Variants in ARHGAP26 observed in about 807,000 individuals in gnomAD.
ARHGAP26 encodes rho GTPase-activating protein 26.
In ARHGAP26, 38 loss-of-function variants were observed where a neutral mutation model predicts 104.8. That is an observed-to-expected ratio of 0.36 (90% CI 0.28 to 0.48). ARHGAP26 has a LOEUF of 0.48. ARHGAP26 is among the 20% of genes least tolerant of loss of function. The pLI is 0.99. For synonymous variants in ARHGAP26, 341 were observed against 340.0 expected, an observed-to-expected ratio of 1.00 and a Z score of -0.03; for missense variants, 704 against 947.9, an observed-to-expected ratio of 0.74 and a Z score of 3.38.
chr5:143,201,313 G>C (rs1427124561), intron 20 of ARHGAP26, among the ~76,000 whole-genome samples: 1 of 150,284 alleles, frequency 6.7e-6, no homozygotes, highest in African/African-American at 2.4e-5. Flanking sequence ...GGACTCTGAG[G>C]GTTGTAGGAA....
intron 1 of ARHGAP26, among the ~76,000 whole-genome samples, chr5:142,777,453 G>C (rs887843901): frequency 6.6e-6 from 1 of 152,250 alleles, no homozygotes. Context: ...TTGTAAAGGG[G>C]ACTTTGTTAT....
At chr5:142,867,303 G>A (rs1306047498) in intron 1 of ARHGAP26, among the ~76,000 whole-genome samples, 2 of 146,144 alleles carry the variant, frequency 1.4e-5, no homozygotes, top group Non-Finnish European at 3.0e-5. Context: ...GTGTGTGTGT[G>A]TGTGTGTGTG....
intron 12 of ARHGAP26, among the ~76,000 whole-genome samples, chr5:143,016,997 C>T (rs150043900): frequency 4.6e-5 from 7 of 152,278 alleles, no homozygotes; most frequent in African/African-American, 1.7e-4. Flanking sequence ...CTTGATTGTT[C>T]TGCAACACTC....
At chr5:142,940,321 A>T (rs565880765) in intron 11 of ARHGAP26, among the ~76,000 whole-genome samples, 46 of 151,944 alleles carry the variant, frequency 3.0e-4, no homozygotes, top group South Asian at 1.7e-3. Context: ...TATTTATTTA[A>T]TTTTTTTTAA....
At chr5:142,945,626 G>A (rs1766992272) in intron 11 of ARHGAP26, among the ~76,000 whole-genome samples, 1 of 152,096 alleles carries the variant, frequency 6.6e-6, no homozygotes. Context: ...GCTTGGTTGT[G>A]TGTGTGTGTT....
At chr5:142,975,994 A>G (rs1773022880) in intron 11 of ARHGAP26, among the ~76,000 whole-genome samples, 2 of 152,250 alleles carry the variant, frequency 1.3e-5, no homozygotes. Flanking sequence ...GAACTTAGTG[A>G]CAGGCAGTAC....
chr5:143,191,352 T>G (rs1254351248), intron 20 of ARHGAP26, among the ~76,000 whole-genome samples: 2 of 152,200 alleles, frequency 1.3e-5, no homozygotes, highest in East Asian at 1.9e-4. Flanking sequence ...TGGACAAATA[T>G]GCTTTTCATT....
chr5:142,927,239 T>A (rs1764041285), intron 10 of ARHGAP26, among the ~76,000 whole-genome samples: 2 of 151,862 alleles, frequency 1.3e-5, no homozygotes, highest in South Asian at 4.2e-4. Context: ...CACACACAAC[T>A]GTGTAACCAC....
intron 11 of ARHGAP26, among the ~76,000 whole-genome samples, chr5:142,944,824 A>G (rs573011852): frequency 2.5e-4 from 38 of 152,272 alleles, no homozygotes; most frequent in African/African-American, 8.4e-4. Flanking sequence ...TTCTGCTTCT[A>G]AAAGCCCAAG....
At chr5:143,091,168 C>T (rs553976906) in intron 17 of ARHGAP26, among the ~76,000 whole-genome samples, 5 of 152,130 alleles carry the variant, frequency 3.3e-5, no homozygotes, top group Non-Finnish European at 7.3e-5. Flanking sequence ...GAGGGGGCGG[C>T]GCTTTCTTGA....
At chr5:143,102,486 C>CTGA (rs1793392524) in intron 17 of ARHGAP26, among the ~76,000 whole-genome samples, 1 of 152,218 alleles carries the variant, frequency 6.6e-6, no homozygotes, top group African/African-American at 2.4e-5. Flanking sequence ...ACTCAGAATG[C>CTGA]TGATCCTCAT....
At position 143,217,248 on chromosome 5, in the gene ARHGAP26, A is replaced by G. The variant is rs550131608; in HGVS notation, c.2191+3160A>G. The stretch of plus-strand genomic sequence containing the variant: ...TAATGATTAATCTTGAAGCCTTTGG[A>G]TTCCAGGGGCCCCTACTGTGACTCT... On this transcript the variant is annotated intron_variant, in intron 22 of 22. Transcript: ENST00000645722. Among the ~76,000 whole-genome samples, 10 of 152,232 alleles carry G rather than the reference A, an allele frequency of 6.6e-5. No individual in the cohort carries two copies. The South Asian group carries it at 2.1e-3, about 32-fold the overall frequency.
intron 20 of ARHGAP26, among the ~76,000 whole-genome samples, chr5:143,177,206 T>G (rs1460842369): frequency 6.6e-6 from 1 of 152,194 alleles, no homozygotes; most frequent in African/African-American, 2.4e-5. Context: ...TTCATCATAT[T>G]AGTTTCCCAA....
At position 143,172,532 on chromosome 5, in the gene ARHGAP26, A is replaced by G. The variant is rs1009467; in HGVS notation, c.1988+25151A>G. ...ATATTAATTTGTCATGTGAATCTCT[A>G]TATTAATGATTTTGAATAGCTCAAT... On this transcript the variant is annotated intron_variant, in intron 20 of 22. Coordinates refer to ENST00000645722, the MANE Select transcript of ARHGAP26 (RefSeq NM_001135608.3). Among the ~76,000 whole-genome samples the G allele has an allele frequency of 3.8e-3, 582 of 152,348 alleles. 34 individuals are homozygous for G. The East Asian group carries it at 0.1, about 27-fold the overall frequency.
intron 5 of ARHGAP26, among the ~76,000 whole-genome samples, chr5:142,887,038 C>G (rs913543010): frequency 6.6e-6 from 1 of 152,206 alleles, no homozygotes; most frequent in Admixed American, 6.5e-5. Flanking sequence ...TCAGAGTATT[C>G]AGAGTTGAGC....
chr5:142,858,063 G>C (rs1188071511), intron 1 of ARHGAP26, among the ~76,000 whole-genome samples: 1 of 121,184 alleles, frequency 8.3e-6, no homozygotes, highest in Non-Finnish European at 1.8e-5. Context: ...GAGAGAATCT[G>C]TGTGTGTGTG....
intron 11 of ARHGAP26, among the ~76,000 whole-genome samples, chr5:142,996,533 T>C (rs1309421733): frequency 2.0e-5 from 3 of 152,126 alleles, no homozygotes; most frequent in Non-Finnish European, 4.4e-5. Flanking sequence ...TGTGTGCATA[T>C]GTGTGTATGT....
intron 11 of ARHGAP26, among the ~76,000 whole-genome samples, chr5:142,988,853 A>G (rs934175530): frequency 6.6e-6 from 1 of 152,114 alleles, no homozygotes; most frequent in African/African-American, 2.4e-5. Context: ...GTGGTCTGAG[A>G]GACAGTTTGT....
In ARHGAP26 at chr5:142,821,449, G is replaced by T. The variant is rs111584282; in HGVS notation, c.154+50534G>T. ...GCAAGTGCACTCTTACATTTTTCTA[G>T]GTGGTAGAGTCCTTGACTTCCATTA... On this transcript the variant is annotated intron_variant, in intron 1 of 22. Coordinates refer to ENST00000645722, the MANE Select transcript of ARHGAP26 (RefSeq NM_001135608.3). Among the ~76,000 whole-genome samples, 928 of 151,896 alleles carry T rather than the reference G, an allele frequency of 6.1e-3. 7 individuals carry two copies. Among genetic ancestry groups the T allele is most frequent in the African/African-American group, 0.021 (886 of 41,414 alleles).
Sources: allele counts gnomAD v4.1 joint callset (sites outside exome capture counted in the v4.1 genomes callset), GRCh38; gene constraint gnomAD v4.1.1; transcripts MANE v1.5; gene names NCBI Gene and HGNC (gene_info 2026-07-23, HGNC 2026-07-21).